Variants in HTR1E observed in about 807,000 individuals in gnomAD.
HTR1E encodes the protein 5-HT-1E.
In HTR1E, 3 loss-of-function variants were observed where a neutral mutation model predicts 3.4. That is an observed-to-expected ratio of 0.89 (90% CI 0.41 to 2.31). The LOEUF (loss-of-function observed/expected upper bound fraction) is 2.31, where lower values mean the gene tolerates loss of function less well. HTR1E is among the 30% of genes most tolerant of loss of function. The probability of loss-of-function intolerance (pLI) is 0.05; values close to 1 mark genes in which losing one functional copy is unlikely to be tolerated. For synonymous variants in HTR1E, 170 were observed against 182.8 expected (o/e 0.93, Z 0.56); for missense variants, 392 against 467.0 (o/e 0.84, Z 1.48).
At chr6:86,975,404 A>G (rs1338678310) in intron 1 of HTR1E, among the ~76,000 whole-genome samples, 1 of 152,112 alleles carries the variant, frequency 6.6e-6, no homozygotes, top group African/African-American at 2.4e-5. Flanking sequence ...TCAGGTCATG[A>G]TTGCACATGG....
intron 1 of HTR1E, among the ~76,000 whole-genome samples, chr6:86,940,630 C>G (rs529733863): frequency 6.6e-6 from 1 of 152,340 alleles, no homozygotes; most frequent in South Asian, 2.1e-4. Flanking sequence ...TTACTCAAGT[C>G]TAATTCCCTA....
At chr6:86,946,948 C>G (rs1381647707) in intron 1 of HTR1E, among the ~76,000 whole-genome samples, 1 of 152,128 alleles carries the variant, frequency 6.6e-6, no homozygotes, top group Non-Finnish European at 1.5e-5. Flanking sequence ...GAAACCCTGT[C>G]TCTACTAAAA....
intron 1 of HTR1E, among the ~76,000 whole-genome samples, chr6:86,946,735 T>C (rs182435817): frequency 1.3e-3 from 195 of 152,330 alleles, no homozygotes; most frequent in African/African-American, 4.5e-3. Flanking sequence ...TAACTTTATA[T>C]GGTTTAATCT....
chr6:86,976,923 A>G (rs542791095), intron 1 of HTR1E, among the ~76,000 whole-genome samples: 1 of 152,346 alleles, frequency 6.6e-6, no homozygotes, highest in Non-Finnish European at 1.5e-5. Context: ...ACACAATAAA[A>G]CTTAAGGGAA....
intron 1 of HTR1E, among the ~76,000 whole-genome samples, chr6:86,995,972 G>A (rs953186812): frequency 3.3e-5 from 5 of 151,060 alleles, no homozygotes; most frequent in East Asian, 3.9e-4. Context: ...TGCAAAATAC[G>A]TGAAGCAAAA....
intron 1 of HTR1E, among the ~76,000 whole-genome samples, chr6:87,004,144 A>T (rs1768068581): frequency 6.6e-6 from 1 of 152,228 alleles, no homozygotes; most frequent in South Asian, 2.1e-4. Flanking sequence ...AAAATCCAGG[A>T]TGTGATGACT....
intron 1 of HTR1E, among the ~76,000 whole-genome samples, chr6:86,940,964 T>A (rs566120007): frequency 6.6e-6 from 1 of 152,384 alleles, no homozygotes; most frequent in South Asian, 2.1e-4. Context: ...TGAAATTATA[T>A]GAACATAAAC....
chr6:86,986,610 T>C (rs1452325697), intron 1 of HTR1E, among the ~76,000 whole-genome samples: 1 of 152,202 alleles, frequency 6.6e-6, no homozygotes, highest in Non-Finnish European at 1.5e-5. Flanking sequence ...ACTCCATCAG[T>C]AAGCACCCAT....
intron 1 of HTR1E, among the ~76,000 whole-genome samples, chr6:86,982,072 G>A (rs1767720318): frequency 1.3e-5 from 2 of 152,286 alleles, no homozygotes; most frequent in South Asian, 4.1e-4. Flanking sequence ...GCTGGGCCTG[G>A]CCTCAATTGC....
chr6:86,957,198 AG>A (rs1405438887), intron 1 of HTR1E, among the ~76,000 whole-genome samples: 1 of 152,224 alleles, frequency 6.6e-6, no homozygotes, highest in African/African-American at 2.4e-5. Flanking sequence ...GCTCCAGCCC[AG>A]GGGCATTTTT....
Position 87,000,875 on chromosome 6 carries a change from C to T in HTR1E, c.-185-14275C>T, listed in dbSNP as rs114058698. Among the ~76,000 whole-genome samples the T allele has an allele frequency of 4.8e-3, 723 of 152,206 alleles. 4 individuals carry two copies. Among genetic ancestry groups the T allele is most frequent in the African/African-American group, 0.017 (693 of 41,510 alleles). On this transcript the variant is annotated intron_variant, in intron 1 of 1. Transcript: ENST00000305344. ...TAACCCTATAATTGTGGTGTGTAAA[C>T]TATTCATATCTTGAGTAGAAAGATT...
chr6:86,996,742 T>C (rs1043365852), intron 1 of HTR1E, among the ~76,000 whole-genome samples: 1 of 152,028 alleles, frequency 6.6e-6, no homozygotes, highest in African/African-American at 2.4e-5. Flanking sequence ...GAAAATTGTA[T>C]TAATAATCTT....
At chr6:86,996,958 A>G (rs898911129) in intron 1 of HTR1E, among the ~76,000 whole-genome samples, 1 of 152,026 alleles carries the variant, frequency 6.6e-6, no homozygotes, top group African/African-American at 2.4e-5. Context: ...ATAGACATTC[A>G]AGTCCTTAAC....
intron 1 of HTR1E, among the ~76,000 whole-genome samples, chr6:86,944,668 T>TAAC (rs1339558730): frequency 6.6e-6 from 1 of 152,172 alleles, no homozygotes; most frequent in Non-Finnish European, 1.5e-5. Context: ...GTGATGATAA[T>TAAC]AACAGACTTA....
intron 1 of HTR1E, among the ~76,000 whole-genome samples, chr6:87,011,154 GAAC>G (rs1331031425): frequency 1.3e-5 from 2 of 152,208 alleles, no homozygotes; most frequent in African/African-American, 4.8e-5. Context: ...TTGCAGCCCA[GAAC>G]ATCATGTGGA....
intron 1 of HTR1E, among the ~76,000 whole-genome samples, chr6:86,964,972 T>G (rs566301695): frequency 1.3e-5 from 2 of 152,312 alleles, no homozygotes; most frequent in Admixed American, 6.5e-5. Flanking sequence ...ACCCACAGAT[T>G]TTGTTGTTCG....
At chr6:86,943,075 C>A (rs73497531) in intron 1 of HTR1E, among the ~76,000 whole-genome samples, 3,783 of 152,212 alleles carry the variant, frequency 0.025, 120 homozygotes, top group East Asian at 0.14. Context: ...ACTTATGTAC[C>A]ATTAGCATGC....
chr6:86,944,673 G>A (rs962545709), intron 1 of HTR1E, among the ~76,000 whole-genome samples: 5 of 152,138 alleles, frequency 3.3e-5, no homozygotes, highest in Non-Finnish European at 4.4e-5. Context: ...GATAATAACA[G>A]ACTTACCAGG....
intron 1 of HTR1E, among the ~76,000 whole-genome samples, chr6:86,994,712 T>G (rs1207394029): frequency 1.3e-5 from 2 of 152,006 alleles, no homozygotes. Context: ...TATGAATCAA[T>G]GAAATATGCT....
Sources: gnomAD v4.1 joint callset for allele counts (sites outside exome capture counted in the v4.1 genomes callset) on GRCh38, gnomAD v4.1.1 for gene constraint, MANE v1.5 for transcripts, NCBI Gene and HGNC (gene_info 2026-07-23, HGNC 2026-07-21) for gene names.